The following TNC variants were observed in gnomAD, a reference collection of about 807,000 sequenced individuals.
The protein encoded by TNC is tenascin.
TNC carries 109 observed loss-of-function variants against 202.4 expected under a neutral mutation model. The observed-to-expected ratio is 0.54, with a 90% CI of 0.46 to 0.63. The LOEUF is 0.63. Ranked by LOEUF, TNC falls within the 30% of genes least tolerant of loss-of-function variation. The pLI is 0.00. For synonymous variants in TNC, 1,007 were observed against 1,089.7 expected (o/e 0.92, Z 1.50); for missense variants, 2,756 against 2,833.3 (o/e 0.97, Z 0.62).
chr9:115,096,405 T>G (rs929798867), intron 1 of TNC, among the ~76,000 whole-genome samples: 1 of 152,222 alleles, frequency 6.6e-6, no homozygotes, highest in Admixed American at 6.5e-5. Flanking sequence ...GGGCTTGTGG[T>G]TACAATATGA....
Position 115,048,450 on chromosome 9 carries a change from ATTC to A in TNC, c.4659_4661del (p.Glu1553_Asn1554delinsAsp). On this transcript the variant is annotated inframe_deletion, in exon 16 of 28. Coordinates refer to ENST00000350763, the MANE Select transcript of TNC (RefSeq NM_002160.4). ...CCGTTACTAGAAAGCTGTCAAAGGC[ATTC>A]TCCGATGCCATCCAGGAAACTGTGA... 1.2e-6 allele frequency: 2 copies of A among 1,614,072 alleles called. No homozygotes were observed. The highest frequency in any genetic ancestry group is 1.7e-6 in the Non-Finnish European group (2 of 1,179,962).
rs149828071 is a variant in TNC at position 115,103,224 on chromosome 9, C to T, written c.-136-12070G>A. Among the ~76,000 whole-genome samples the T allele has an allele frequency of 5.3e-5, 8 of 152,302 alleles. No homozygotes were observed. The East Asian group carries it at 1.5e-3, about 29-fold the overall frequency. On this transcript the variant is annotated intron_variant, in intron 1 of 27. Transcript: ENST00000350763. Reference sequence around the variant, plus strand: ...CTTTCTACTTTGAGACAAGATTTCTCTATGATCAAGTAAACTCCTTTGGCA... The same window carrying T: ...CTTTCTACTTTGAGACAAGATTTCTTTATGATCAAGTAAACTCCTTTGGCA...
chr9:115,086,845 C>T lies in TNC; in HGVS notation c.886G>A (p.Glu296Lys). 1.2e-6 allele frequency: 2 copies of T among 1,614,190 alleles called. No homozygotes were observed. Among genetic ancestry groups the T allele is most frequent in the South Asian group, 1.1e-5 (1 of 91,088 alleles). The change falls in exon 3 of 28, where the codon GAG becomes AAG. Residue 296 changes from glutamate to lysine, a missense_variant. Glu to Lys is a moderately conservative substitution (Grantham distance 56). Around this residue, in one of 2 missense-constraint regions of TNC, gnomAD observed 2,559 missense variants for 2,546.0 expected, o/e 1.01. Transcript: ENST00000350763. ...CCCTCATCACACACGCACTCATTCT[C>T]CACGCATCGTCCACGGTTGTAGCAA... ...NNCYNRGRCVENECVCDEGFT... is the reference protein window; with the variant it reads ...NNCYNRGRCVKNECVCDEGFT...
chr9:115,102,924 T>G (rs1310223056), intron 1 of TNC, among the ~76,000 whole-genome samples: 1 of 152,252 alleles, frequency 6.6e-6, no homozygotes, highest in Non-Finnish European at 1.5e-5. Context: ...GTTCTTATAT[T>G]GTGGAATTAA....
intron 6 of TNC, among the ~76,000 whole-genome samples, chr9:115,078,607 T>C (rs1190597373): frequency 2.6e-5 from 4 of 152,086 alleles, no homozygotes; most frequent in Admixed American, 6.6e-5. Flanking sequence ...CTCTTTAAAT[T>C]TTTAATTAGG....
chr9:115,064,159 T>G, intron 11 of TNC, 91 bp from the exon 12 acceptor site: 4 of 1,305,456 alleles, frequency 3.1e-6, no homozygotes, highest in African/African-American at 1.5e-5. Context: ...ATAATAATAT[T>G]ACTGAAAAAA....
At chr9:115,114,525 A>C (rs1837313399) in intron 1 of TNC, among the ~76,000 whole-genome samples, 1 of 152,188 alleles carries the variant, frequency 6.6e-6, no homozygotes, top group Non-Finnish European at 1.5e-5. Context: ...TCCTGTTTCC[A>C]GGCAGAGAGT....
At chr9:115,112,270 C>T (rs1837135994) in intron 1 of TNC, among the ~76,000 whole-genome samples, 1 of 152,152 alleles carries the variant, frequency 6.6e-6, no homozygotes, top group Admixed American at 6.5e-5. Context: ...AGATCTTTCC[C>T]TTCTCTATGT....
At chr9:115,067,943 C>A (rs1427157474) in intron 10 of TNC, among the ~76,000 whole-genome samples, 1 of 151,886 alleles carries the variant, frequency 6.6e-6, no homozygotes, top group Non-Finnish European at 1.5e-5. Flanking sequence ...CATCCAGATC[C>A]CTTTATTAAA....
intron 17 of TNC, among the ~76,000 whole-genome samples, chr9:115,043,013 A>T (rs1386899269): frequency 6.6e-6 from 1 of 152,164 alleles, no homozygotes; most frequent in Admixed American, 6.5e-5. Flanking sequence ...CACCCAGTGG[A>T]CGCTGGGTCT....
In TNC at chr9:115,062,996, A is replaced by T; in HGVS notation, c.3954T>A (p.Ala1318=). Residue 1318 remains alanine, a synonymous_variant, in exon 13 of 28, where the codon GCT becomes GCA. Transcript: ENST00000350763. The stretch of plus-strand genomic sequence containing the variant: ...GCAGGGTGACTGTGTAAGGAGTGCC[A>T]GCCCTGAGGCCTGGGATTTCCATGG... ...LRSMEIPGLR[A]GTPYTVTLHG... is the part of the protein sequence containing the mutation. 4 of 1,614,126 alleles carry T rather than the reference A, an allele frequency of 2.5e-6. No homozygotes were observed. The highest frequency in any genetic ancestry group is 3.4e-6 in the Non-Finnish European group (4 of 1,180,020).
chr9:115,057,663 C>T (rs1281581590), intron 14 of TNC, among the ~76,000 whole-genome samples: 2 of 152,202 alleles, frequency 1.3e-5, no homozygotes, highest in Non-Finnish European at 2.9e-5. Context: ...CATGCAGTTG[C>T]CACATATAAT....
In TNC at chr9:115,060,004, T is replaced by C; in HGVS notation, c.4034-2A>G. On this transcript the variant is annotated splice_acceptor_variant, in intron 13 of 27. Transcript: ENST00000350763. LOFTEE classifies it high-confidence loss of function. ...AATCTCCCAGCTGTGGGAGATCCTC[T>C]GAAGAAGGACAGAAAAGTATTTGTC... is the stretch of plus-strand genomic sequence containing the variant. 1 of 1,609,780 alleles carries C rather than the reference T, an allele frequency of 6.2e-7. No homozygotes were observed. The highest frequency in any genetic ancestry group is 1.1e-5 in the South Asian group (1 of 90,406).
Position 115,044,690 on chromosome 9 carries a change from G to C in TNC, c.5125+1720C>G, listed in dbSNP as rs537985851. On this transcript the variant is annotated intron_variant, in intron 17 of 27. Transcript: ENST00000350763. Reference sequence around the variant, plus strand: ...AAACCAAGATCAAAATCAAGGCTCTGCCTCTGATCTGGAGTCGTTTTATGG... The same window carrying C: ...AAACCAAGATCAAAATCAAGGCTCTCCCTCTGATCTGGAGTCGTTTTATGG... 3.9e-5 allele frequency among the ~76,000 whole-genome samples: 6 copies of C among 152,294 alleles called. No homozygotes were observed. The South Asian group carries it at 1.0e-3, about 26-fold the overall frequency.
At chr9:115,104,615 G>A (rs1180884110) in intron 1 of TNC, among the ~76,000 whole-genome samples, 1 of 152,196 alleles carries the variant, frequency 6.6e-6, no homozygotes, top group Non-Finnish European at 1.5e-5. Flanking sequence ...TTGAGGCAGT[G>A]AATGGGACAA....
chr9:115,062,286 G>A (rs1029341349), intron 13 of TNC, among the ~76,000 whole-genome samples: 4 of 152,154 alleles, frequency 2.6e-5, no homozygotes, highest in Non-Finnish European at 2.9e-5. Flanking sequence ...GATACAAAAA[G>A]GAGGCTCAGG....
intron 17 of TNC, among the ~76,000 whole-genome samples, chr9:115,043,440 C>A (rs953288): frequency 0.63 from 95,138 of 151,948 alleles, 30,291 homozygotes; most frequent in African/African-American, 0.73. Flanking sequence ...GAAAGAGCTT[C>A]ATTGTCCAAA....
At chr9:115,037,550 CAG>C (rs1830425702) in intron 20 of TNC, among the ~76,000 whole-genome samples, 1 of 152,040 alleles carries the variant, frequency 6.6e-6, no homozygotes, top group Non-Finnish European at 1.5e-5. Context: ...TTTTTTGAGA[CAG>C]AGCCTCCCTC....
intron 18 of TNC, among the ~76,000 whole-genome samples, chr9:115,041,304 A>AGCGGTG (rs369968281): frequency 3.7e-5 from 4 of 106,924 alleles, no homozygotes; most frequent in Admixed American, 2.1e-4. Flanking sequence ...CAAAGCCAGG[A>AGCGGTG]GGGGCGGGGG....
Sources: allele counts gnomAD v4.1 joint callset (sites outside exome capture counted in the v4.1 genomes callset), GRCh38; gene constraint gnomAD v4.1.1; regional missense constraint gnomAD v4.1.1; transcripts MANE v1.5; gene names NCBI Gene and HGNC (gene_info 2026-07-23, HGNC 2026-07-21).